The following ROCK2 variants were observed in gnomAD, a reference collection of about 807,000 sequenced individuals.
ROCK2 encodes Rho associated coiled-coil containing protein kinase 2, also known as rho-associated protein kinase 2.
A neutral mutation model predicts 195.1 loss-of-function variants in ROCK2; 61 were observed. That is an observed-to-expected ratio of 0.31 (90% CI 0.25 to 0.39). The LOEUF (loss-of-function observed/expected upper bound fraction) is 0.39, where lower values mean the gene tolerates loss of function less well. ROCK2 is among the 10% of genes least tolerant of loss of function. The pLI is 1.00. For synonymous variants in ROCK2, 504 were observed against 545.5 expected (o/e 0.92, Z 1.06); for missense variants, 1,109 against 1,637.4 (o/e 0.68, Z 5.57).
At chr2:11,343,814 G>C (rs1669189032) in intron 1 of ROCK2, among the ~76,000 whole-genome samples, 182 bp downstream of exon 1, 1 of 152,158 alleles carries the variant, frequency 6.6e-6, no homozygotes, top group South Asian at 2.1e-4. Context: ...AATCAAAGGC[G>C]GGTCACTACT....
rs10714343 is a variant in ROCK2, at chr2:11,341,081, C to CA, written c.141+2914dup. On this transcript the variant is annotated intron_variant, in intron 1 of 32. Coordinates refer to ENST00000315872, the MANE Select transcript of ROCK2 (RefSeq NM_004850.5). ...AAGCATATTACTGAAGACTCGCCTC[C>CA]AAAAAAAAAAAGAGGCAGTAGAGAA... is the stretch of plus-strand genomic sequence containing the variant. Among the ~76,000 whole-genome samples, 1,348 of 149,114 alleles carry CA rather than the reference C, an allele frequency of 9.0e-3. 16 individuals carry two copies. The highest frequency in any genetic ancestry group is 0.031 in the African/African-American group (1,265 of 40,292).
intron 30 of ROCK2, among the ~76,000 whole-genome samples, chr2:11,193,221 T>C (rs1460798354): frequency 6.6e-6 from 1 of 152,086 alleles, no homozygotes; most frequent in Admixed American, 6.6e-5. Flanking sequence ...AAACTCCAAA[T>C]AAACATGACA....
At chr2:11,308,101 G>T in intron 1 of ROCK2, 2 of 1,611,044 alleles carry the variant, frequency 1.2e-6, no homozygotes, top group Non-Finnish European at 1.7e-6. Context: ...GACTCTTGGG[G>T]CCAGCTGGTG....
chr2:11,285,207 A>T (rs951470279), intron 3 of ROCK2, among the ~76,000 whole-genome samples: 1 of 148,706 alleles, frequency 6.7e-6, no homozygotes, highest in Non-Finnish European at 1.5e-5. Flanking sequence ...GGTTACGGTG[A>T]GCCGAGATCG....
At chr2:11,281,959 C>A (rs1558356190) in intron 3 of ROCK2, among the ~76,000 whole-genome samples, 2 of 151,992 alleles carry the variant, frequency 1.3e-5, no homozygotes, top group South Asian at 4.1e-4. Flanking sequence ...ATTTTCAATC[C>A]AATCACAAAA....
Position 11,312,112 on chromosome 2 carries a change from G to C in ROCK2, c.142-24376C>G, listed in dbSNP as rs530791207. Among the ~76,000 whole-genome samples, 16 of 152,194 alleles carry C rather than the reference G, an allele frequency of 1.1e-4. No individual in the cohort carries two copies. In the South Asian group the frequency reaches 3.3e-3, roughly 32 times the overall value. Reference sequence around the variant, plus strand: ...CTCTTCTCACTAAACTTTTTGTATTGAAAAACATATTTTTCATTAAGTACT... The same window carrying C: ...CTCTTCTCACTAAACTTTTTGTATTCAAAAACATATTTTTCATTAAGTACT... On this transcript the variant is annotated intron_variant, in intron 1 of 32. Coordinates refer to ENST00000315872, the MANE Select transcript of ROCK2 (RefSeq NM_004850.5).
Position 11,181,125 on chromosome 2 carries a change from T to A in ROCK2, c.*2312A>T, listed in dbSNP as rs1303558323. On this transcript the variant is annotated 3_prime_UTR_variant, in exon 33 of 33. Transcript: ENST00000315872. ...AACTTTTGCCTTTTTTACTCAAATATTTCAGTTACTCATATGTAAACTTGA... is the reference window on the plus strand; with the variant it reads ...AACTTTTGCCTTTTTTACTCAAATAATTCAGTTACTCATATGTAAACTTGA... 1.3e-5 allele frequency: 2 copies of A among 149,906 alleles called. No homozygotes were observed. The highest frequency in any genetic ancestry group is 4.9e-5 in the African/African-American group (2 of 41,042). The allele number at this position is 149,906 out of a possible 1,614,324, so 9.3% of individuals were successfully genotyped here.
Position 11,214,416 on chromosome 2 carries a change from G to A in ROCK2, c.1984C>T (p.Leu662=), listed in dbSNP as rs757160587. The part of the protein sequence containing the change: ...EEDLKNGKIL[L]AKVELEKRQL... ...CTCTTCTCCAGTTCTACTTTCGCTA[G>A]TAAGATTTTGCCGTTCTTTAAATCT... The change falls in exon 17 of 33, where the codon CTA becomes TTA. Residue 662 remains leucine (L), a synonymous_variant. Transcript: ENST00000315872. The A allele has an allele frequency of 3.1e-6, 5 of 1,611,022 alleles. No homozygotes were observed. The highest frequency in any genetic ancestry group is 1.7e-5 in the Admixed American group (1 of 59,828).
intron 32 of ROCK2, among the ~76,000 whole-genome samples, chr2:11,190,159 C>T (rs944883795): frequency 3.3e-5 from 5 of 151,904 alleles, no homozygotes; most frequent in South Asian, 2.1e-4. Flanking sequence ...AATGTGACCA[C>T]CTTTATGTTT....
Position 11,198,700 on chromosome 2 carries a change from T to A in ROCK2, c.2985A>T (p.Lys995Asn). ...LANEKEELNN[K>N]LKDVQEQLSR... ...ACATACGCTCTTGAACATCTTTCAATTTGTTATTTAATTCTTCTTTCTCAT... is the reference window on the plus strand; with the variant it reads ...ACATACGCTCTTGAACATCTTTCAAATTGTTATTTAATTCTTCTTTCTCAT... Residue 995 changes from lysine to asparagine, a missense_variant, in exon 24 of 33, where the codon AAA (lysine) becomes AAT (asparagine). By Grantham distance (94) the Lys-to-Asn change is moderately conservative. This residue lies in a region of ROCK2 where 542 missense variants were observed against 672.0 expected (regional missense o/e 0.81). Transcript: ENST00000315872. 6.2e-7 allele frequency: 1 copy of A among 1,608,190 alleles called. No homozygotes were observed. Among genetic ancestry groups the A allele is most frequent in the Non-Finnish European group, 8.5e-7 (1 of 1,176,244 alleles).
In ROCK2 at chr2:11,188,133, C is replaced by T. The variant is rs376473550; in HGVS notation, c.4163+4015G>A. Among the ~76,000 whole-genome samples the T allele has an allele frequency of 3.0e-3, 358 of 121,172 alleles. 1 individual carries two copies. The highest frequency in any genetic ancestry group is 0.011 in the African/African-American group (337 of 30,372). 79.5% of individuals were successfully genotyped at this position (121,172 alleles called of 152,430 possible). ...TTTTTTTTTTTTTTTTTTTGTGTGA[C>T]GGAGTCTCGCTCTGTTGCCTAGGTT... On this transcript the variant is annotated intron_variant, in intron 32 of 32. Coordinates refer to ENST00000315872, the MANE Select transcript of ROCK2 (RefSeq NM_004850.5).
chr2:11,199,411 G>C lies in ROCK2; in HGVS notation c.2911-637C>G, dbSNP rs141697450. On this transcript the variant is annotated intron_variant, in intron 23 of 32. Transcript: ENST00000315872. ...CACTCACTGTAGCCTCAGCCTCCAA[G>C]GCTCTAAGGATCCTCCCACCTCAGC... Among the ~76,000 whole-genome samples the C allele has an allele frequency of 7.9e-5, 12 of 151,458 alleles. No homozygotes were observed. In the East Asian group the frequency reaches 2.1e-3, roughly 27 times the overall value.
intron 32 of ROCK2, among the ~76,000 whole-genome samples, chr2:11,190,370 A>ATT (rs1572219422): frequency 5.5e-5 from 8 of 146,152 alleles, no homozygotes; most frequent in East Asian, 3.9e-4. Flanking sequence ...GTTTTTTAAA[A>ATT]AAAAAAAAAA....
intron 1 of ROCK2, among the ~76,000 whole-genome samples, chr2:11,296,997 C>G (rs1384578384): frequency 2.0e-5 from 3 of 152,008 alleles, no homozygotes; most frequent in East Asian, 1.9e-4. Flanking sequence ...CAGTTAAAAT[C>G]TGGGAAAGAT....
intron 7 of ROCK2, 101 bp from the exon 8 acceptor site, chr2:11,222,275 T>A (rs991716366): frequency 4.6e-6 from 3 of 654,968 alleles, no homozygotes; most frequent in Non-Finnish European, 7.7e-6. Flanking sequence ...CAAGTAAATT[T>A]GAGATATTTG....
chr2:11,192,086 C>T lies in ROCK2; in HGVS notation c.4163+62G>A. The T allele has an allele frequency of 8.1e-7, 1 of 1,240,062 alleles. No individual in the cohort carries two copies. Among genetic ancestry groups the T allele is most frequent in the Non-Finnish European group, 1.1e-6 (1 of 882,330 alleles). 76.8% of individuals were successfully genotyped at this position (1,240,062 alleles called of 1,614,324 possible). ...TAATTAGGAAAATTTGTAGTTTGAACATAAATAGCAAAATATTTTAATAGA... is the reference window on the plus strand; with the variant it reads ...TAATTAGGAAAATTTGTAGTTTGAATATAAATAGCAAAATATTTTAATAGA... On this transcript the variant is annotated intron_variant, in intron 32 of 32. Transcript: ENST00000315872. This position sits in a 1 kb window ranked among gnomAD's most constrained non-coding sequence, Gnocchi z 5.0.
intron 3 of ROCK2, among the ~76,000 whole-genome samples, chr2:11,269,398 G>A (rs1353047924): frequency 6.6e-6 from 1 of 151,904 alleles, no homozygotes; most frequent in Admixed American, 6.6e-5. Flanking sequence ...TGTAATACTA[G>A]CTACTCAGGA....
chr2:11,216,694 G>GC (rs1372620871), intron 12 of ROCK2, among the ~76,000 whole-genome samples: 2 of 151,208 alleles, frequency 1.3e-5, no homozygotes, highest in African/African-American at 2.4e-5. Context: ...ACTGCACCAG[G>GC]CCATAGCTCT....
At chr2:11,215,119 A>G in intron 15 of ROCK2, 33 bp from the exon 16 acceptor site, 2 of 1,611,300 alleles carry the variant, frequency 1.2e-6, no homozygotes, top group Non-Finnish European at 1.7e-6. Flanking sequence ...ACAACAACAA[A>G]CAAACACACA....
Sources: gnomAD v4.1 joint callset for allele counts (sites outside exome capture counted in the v4.1 genomes callset) on GRCh38, gnomAD v4.1.1 for gene constraint, gnomAD v4.1.1 regional missense constraint, Gnocchi (gnomAD v3.1) non-coding constraint, MANE v1.5 for transcripts, NCBI Gene and HGNC (gene_info 2026-07-23, HGNC 2026-07-21) for gene names.